DNAH7: variants seen among roughly 807,000 people sequenced by gnomAD.
DNAH7 encodes axonemal beta dynein heavy chain 7.
A neutral mutation model predicts 444.6 loss-of-function variants in DNAH7; 397 were observed. The observed-to-expected ratio is 0.89, with a 90% CI of 0.82 to 0.97. The LOEUF is 0.97. Among genes scored for constraint, DNAH7 ranks in the 50% least tolerant of loss-of-function variants. The probability of loss-of-function intolerance (pLI) is 0.00; values close to 1 mark genes in which losing one functional copy is unlikely to be tolerated. For synonymous variants in DNAH7, 1,636 were observed against 1,624.4 expected (o/e 1.01, Z -0.17); for missense variants, 4,902 against 4,800.8 (o/e 1.02, Z -0.62).
chr2:195,881,624 C>A (rs2125172386), intron 36 of DNAH7, among the ~76,000 whole-genome samples, 171 bp downstream of exon 36: 1 of 149,344 alleles, frequency 6.7e-6, no homozygotes, highest in Non-Finnish European at 1.5e-5. Flanking sequence ...ATTATCACTT[C>A]TTGGCCTTTT....
At chr2:196,012,545 C>T (rs1290995451) in intron 10 of DNAH7, among the ~76,000 whole-genome samples, 3 of 152,094 alleles carry the variant, frequency 2.0e-5, no homozygotes. Context: ...AGGATAGGTA[C>T]AAACCAGACA....
At position 195,756,117 on chromosome 2, in the gene DNAH7, A is replaced by G; in HGVS notation, c.11586+16T>C. On this transcript the variant is annotated intron_variant, in intron 62 of 64. Coordinates refer to ENST00000312428, the MANE Select transcript of DNAH7 (RefSeq NM_018897.3). ...AGGAGAAACTTAACAATATACGATC[A>G]TTTAGACGAACTTACCTGCAAGAAT... The G allele has an allele frequency of 6.3e-7, 1 of 1,591,406 alleles. No individual in the cohort carries two copies. Among genetic ancestry groups the G allele is most frequent in the Non-Finnish European group, 8.6e-7 (1 of 1,166,584 alleles).
intron 22 of DNAH7, among the ~76,000 whole-genome samples, chr2:195,924,808 G>A (rs1214502833): frequency 6.6e-6 from 1 of 152,148 alleles, no homozygotes; most frequent in African/African-American, 2.4e-5. Context: ...TGCCAGTTCT[G>A]AAGACCAGGC....
At position 195,811,848 on chromosome 2, in the gene DNAH7, G is replaced by C. The variant is rs1046653826; in HGVS notation, c.9762-1977C>G. On this transcript the variant is annotated intron_variant, in intron 51 of 64. Transcript: ENST00000312428. ...ATGAGAGTAAGAGAAATCTGAAATA[G>C]CTGACTCCATCTTGCTTCTGGCCTC... Among the ~76,000 whole-genome samples the C allele has an allele frequency of 4.6e-5, 7 of 152,156 alleles. No individual in the cohort carries two copies. In the East Asian group the frequency reaches 1.3e-3, roughly 29 times the overall value.
intron 43 of DNAH7, 98 bp downstream of exon 43, chr2:195,858,376 G>T: frequency 2.0e-6 from 2 of 981,788 alleles, no homozygotes; most frequent in Non-Finnish European, 2.8e-6. Flanking sequence ...AAAATTTCAG[G>T]CTAATTCGGA....
chr2:195,941,451 CA>C (rs1207029040), intron 19 of DNAH7, among the ~76,000 whole-genome samples: 3,091 of 56,738 alleles, frequency 0.054, 57 homozygotes, highest in African/African-American at 0.12. Context: ...ACCTAGATGA[CA>C]AAAAAAAAAA....
At chr2:195,776,700 A>C (rs1055239527) in intron 59 of DNAH7, among the ~76,000 whole-genome samples, 4 of 152,126 alleles carry the variant, frequency 2.6e-5, no homozygotes, top group Non-Finnish European at 5.9e-5. Context: ...AAAAAGTAAA[A>C]ATTATTTAAA....
At chr2:195,945,845 G>C (rs1470369528) in intron 19 of DNAH7, among the ~76,000 whole-genome samples, 5 of 152,198 alleles carry the variant, frequency 3.3e-5, no homozygotes, top group Admixed American at 6.6e-5. Context: ...AGACTTGGAT[G>C]AGTCAAAAAC....
intron 46 of DNAH7, among the ~76,000 whole-genome samples, chr2:195,847,723 A>G (rs1699095707): frequency 6.6e-6 from 1 of 152,176 alleles, no homozygotes; most frequent in South Asian, 2.1e-4. Context: ...TATTTTCTTT[A>G]TGTTACAAAT....
chr2:196,000,390 A>G (rs1693960924), intron 12 of DNAH7, among the ~76,000 whole-genome samples: 1 of 152,180 alleles, frequency 6.6e-6, no homozygotes, highest in Non-Finnish European at 1.5e-5. Flanking sequence ...AAAGAGACCT[A>G]CAGCATGGCA....
At chr2:195,943,106 A>C (rs1305211984) in intron 19 of DNAH7, among the ~76,000 whole-genome samples, 1 of 152,098 alleles carries the variant, frequency 6.6e-6, no homozygotes, top group Non-Finnish European at 1.5e-5. Context: ...GTAAGATGTG[A>C]CTTTGCTTCT....
At chr2:195,850,059 T>A (rs1288610286) in intron 46 of DNAH7, among the ~76,000 whole-genome samples, 8 of 152,204 alleles carry the variant, frequency 5.3e-5, no homozygotes, top group Non-Finnish European at 1.0e-4. Context: ...AGCAATAGTT[T>A]CTGCAGAATG....
chr2:196,009,602 T>C (rs1694605526), intron 10 of DNAH7, among the ~76,000 whole-genome samples: 1 of 152,152 alleles, frequency 6.6e-6, no homozygotes, highest in African/African-American at 2.4e-5. Context: ...TACATTGGTC[T>C]GGGCAAAGAT....
At chr2:195,783,396 C>T (rs1695479485) in intron 58 of DNAH7, among the ~76,000 whole-genome samples, 3 of 152,206 alleles carry the variant, frequency 2.0e-5, no homozygotes, top group South Asian at 4.1e-4. Context: ...TGGCAGGCCA[C>T]ACTCTCTCTC....
chr2:196,058,146 G>T, intron 1 of DNAH7, 30 bp from the exon 2 acceptor site: 1 of 1,539,216 alleles, frequency 6.5e-7, no homozygotes, highest in East Asian at 2.3e-5. Flanking sequence ...AAACAAAACT[G>T]TTTACTCCGT....
At chr2:195,897,923 C>T (rs1400880494) in intron 28 of DNAH7, among the ~76,000 whole-genome samples, 158 bp from the exon 29 acceptor site, 1 of 152,068 alleles carries the variant, frequency 6.6e-6, no homozygotes, top group Non-Finnish European at 1.5e-5. Flanking sequence ...ATTTTAGAAA[C>T]TGACATTTAA....
intron 15 of DNAH7, among the ~76,000 whole-genome samples, chr2:195,979,674 A>T (rs1692434289): frequency 6.6e-6 from 1 of 152,182 alleles, no homozygotes; most frequent in Admixed American, 6.5e-5. Context: ...AGATGAACTG[A>T]AAAGTTGGTT....
chr2:196,022,824 C>T (rs544065075), intron 8 of DNAH7, among the ~76,000 whole-genome samples: 1 of 152,298 alleles, frequency 6.6e-6, no homozygotes, highest in South Asian at 2.1e-4. Flanking sequence ...TTTCAATTCA[C>T]TTTGCCAAGA....
chr2:195,745,398 C>T (rs959021479), intron 63 of DNAH7, among the ~76,000 whole-genome samples: 4 of 152,080 alleles, frequency 2.6e-5, no homozygotes, highest in Non-Finnish European at 4.4e-5. Context: ...CTGAAAGTGA[C>T]GAGGAGAATG....
Sources: gnomAD v4.1 joint callset for allele counts (sites outside exome capture counted in the v4.1 genomes callset) on GRCh38, gnomAD v4.1.1 for gene constraint, MANE v1.5 for transcripts, NCBI Gene and HGNC (gene_info 2026-07-23, HGNC 2026-07-21) for gene names.